XIRP2: variants seen among roughly 807,000 people sequenced by gnomAD.
XIRP2 encodes the protein xin actin-binding repeat-containing protein 2.
A neutral mutation model predicts 277.0 loss-of-function variants in XIRP2; 236 were observed. That is an observed-to-expected ratio of 0.85 (90% CI 0.77 to 0.95). The LOEUF (loss-of-function observed/expected upper bound fraction) is 0.95, where lower values mean the gene tolerates loss of function less well. Ranked by LOEUF, XIRP2 falls within the 40% of genes least tolerant of loss-of-function variation. XIRP2 has a pLI of 0.00. For synonymous variants in XIRP2, 1,490 were observed against 1,416.5 expected (o/e 1.05, Z -1.17); for missense variants, 4,640 against 4,157.5 (o/e 1.12, Z -3.19).
chr2:167,111,154 G>C (rs1275467040), intron 2 of XIRP2, among the ~76,000 whole-genome samples: 3 of 152,044 alleles, frequency 2.0e-5, no homozygotes, highest in Non-Finnish European at 1.5e-5. Context: ...TTCCTATTTG[G>C]ATGCCTTTTA....
chr2:167,075,322 ATT>A lies in XIRP2; in HGVS notation c.409-60586_409-60585del, dbSNP rs769740260. Among the ~76,000 whole-genome samples the A allele has an allele frequency of 1.5e-4, 23 of 152,294 alleles. 1 individual carries two copies. The highest frequency in any genetic ancestry group is 6.8e-3 in the Middle Eastern group (2 of 294). On this transcript the variant is annotated intron_variant, in intron 2 of 10. Transcript: ENST00000409195. ...ATTTAGAAATGTGGCATAAAAGGCT[ATT>A]GCCTATTTAGTAGAACTTTTACCCT... is the stretch of plus-strand genomic sequence containing the variant.
chr2:167,214,080 A>C (rs1694145505), intron 4 of XIRP2, among the ~76,000 whole-genome samples: 1 of 119,314 alleles, frequency 8.4e-6, no homozygotes, highest in African/African-American at 4.0e-5. Flanking sequence ...GAAAGGAAGG[A>C]AGGAAGAAAG....
rs1695773574 is a variant in XIRP2 at position 167,259,289 on chromosome 2, G to A, written c.*1472G>A. 1.9e-6 allele frequency: 3 copies of A among 1,613,144 alleles called. No homozygotes were observed. Among genetic ancestry groups the A allele is most frequent in the Non-Finnish European group, 2.5e-6 (3 of 1,179,574 alleles). On this transcript the variant is annotated 3_prime_UTR_variant, in exon 11 of 11. Coordinates refer to ENST00000409195, the MANE Select transcript of XIRP2 (RefSeq NM_152381.6). Reference sequence around the variant, plus strand: ...TACAGCTAAGCCTTTGTTTCCCAGAGTGGAGGTGCAGTCAGAACAACTCAC... The same window carrying A: ...TACAGCTAAGCCTTTGTTTCCCAGAATGGAGGTGCAGTCAGAACAACTCAC...
At chr2:167,170,659 T>G (rs979010388) in intron 3 of XIRP2, among the ~76,000 whole-genome samples, 3 of 152,090 alleles carry the variant, frequency 2.0e-5, no homozygotes, top group Non-Finnish European at 4.4e-5. Context: ...ACGTTCAATA[T>G]TTCAGTCCTA....
At chr2:166,912,582 T>C (rs994597647) in intron 2 of XIRP2, among the ~76,000 whole-genome samples, 1 of 152,230 alleles carries the variant, frequency 6.6e-6, no homozygotes, top group Non-Finnish European at 1.5e-5. Context: ...AGAAGTTTGA[T>C]CGTCTGAAGC....
chr2:167,192,977 G>A (rs914170796), intron 3 of XIRP2, among the ~76,000 whole-genome samples: 2 of 152,082 alleles, frequency 1.3e-5, no homozygotes, highest in African/African-American at 2.4e-5. Flanking sequence ...TTTTAGGAAT[G>A]GAACTGTACT....
In XIRP2 at chr2:167,079,797, G is replaced by A. The variant is rs75873586; in HGVS notation, c.409-56112G>A. 1.9e-4 allele frequency among the ~76,000 whole-genome samples: 29 copies of A among 151,934 alleles called. No individual in the cohort carries two copies. In the East Asian group the frequency reaches 5.4e-3, roughly 28 times the overall value. ...CTTCTAAAAACCAACTTTTGGTTTT[G>A]TTGATTCTTCATAGGATTTTTGAGT... is the stretch of plus-strand genomic sequence containing the variant. On this transcript the variant is annotated intron_variant, in intron 2 of 10. Transcript: ENST00000409195.
intron 2 of XIRP2, among the ~76,000 whole-genome samples, chr2:166,904,811 T>C (rs1190185065): frequency 1.3e-5 from 2 of 152,112 alleles, no homozygotes; most frequent in Admixed American, 1.3e-4. Flanking sequence ...GGTTTTCACC[T>C]AATGACAGTT....
At position 167,240,646 on chromosome 2, in the gene XIRP2, A is replaced by G. The variant is rs780638537; in HGVS notation, c.970-18A>G. 1.9e-6 allele frequency: 3 copies of G among 1,609,412 alleles called. No homozygotes were observed. The highest frequency in any genetic ancestry group is 2.7e-5 in the African/African-American group (2 of 74,766). On this transcript the variant is annotated intron_variant, in intron 6 of 10. Coordinates refer to ENST00000409195, the MANE Select transcript of XIRP2 (RefSeq NM_152381.6). Reference sequence around the variant, plus strand: ...ACTTCTTAAAAACAATTTATTTTCAAATTCTCTTTAAATACAGGTCTCTCA... The same window carrying G: ...ACTTCTTAAAAACAATTTATTTTCAGATTCTCTTTAAATACAGGTCTCTCA...
At chr2:167,206,380 A>C (rs759443663) in intron 3 of XIRP2, among the ~76,000 whole-genome samples, 115 of 152,230 alleles carry the variant, frequency 7.6e-4, no homozygotes, top group Non-Finnish European at 1.3e-3. Context: ...ATTGCTGCTA[A>C]TATGCTATTG....
At position 166,973,610 on chromosome 2, in the gene XIRP2, T is replaced by C. The variant is rs145714064; in HGVS notation, c.408+69720T>C. The stretch of plus-strand genomic sequence containing the variant: ...TGTACTGCAGGTTCTTACCAAAGTG[T>C]GTTTCAACAACCAGTAATGTCAGCA... On this transcript the variant is annotated intron_variant, in intron 2 of 10. Coordinates refer to ENST00000409195, the MANE Select transcript of XIRP2 (RefSeq NM_152381.6). 5.9e-3 allele frequency among the ~76,000 whole-genome samples: 905 copies of C among 152,302 alleles called. 13 individuals carry two copies. The highest frequency in any genetic ancestry group is 0.02 in the African/African-American group (845 of 41,568).
chr2:167,056,856 G>A lies in XIRP2; in HGVS notation c.409-79053G>A, dbSNP rs576054611. On this transcript the variant is annotated intron_variant, in intron 2 of 10. Coordinates refer to ENST00000409195, the MANE Select transcript of XIRP2 (RefSeq NM_152381.6). Reference sequence around the variant, plus strand: ...CCATATTATATTCTCTTATAAAGCGGGGAGCTTTGGTTATATAATAAGGAA... The same window carrying A: ...CCATATTATATTCTCTTATAAAGCGAGGAGCTTTGGTTATATAATAAGGAA... 2.0e-5 allele frequency among the ~76,000 whole-genome samples: 3 copies of A among 152,080 alleles called. No homozygotes were observed. In the South Asian group the frequency reaches 6.2e-4, roughly 32 times the overall value.
chr2:167,082,096 C>G (rs6750338), intron 2 of XIRP2, among the ~76,000 whole-genome samples: 448 of 142,802 alleles, frequency 3.1e-3, no homozygotes, highest in African/African-American at 0.01. Flanking sequence ...TCCCTCCCCC[C>G]TCCCTCTACC....
In XIRP2 at chr2:167,246,261, T is replaced by G. The variant is rs746045796; in HGVS notation, c.4869T>G (p.Ile1623Met). Residue 1623 changes from isoleucine to methionine, a missense_variant, in exon 9 of 11, where the codon ATT becomes ATG. Coordinates refer to ENST00000409195, the MANE Select transcript of XIRP2 (RefSeq NM_152381.6). ...LSKRDCTERE[I>M]LISEEEKGNV... ...AAAGGGACTGTACTGAAAGAGAGAT[T>G]TTGATTAGTGAAGAAGAGAAGGGAA... The G allele has an allele frequency of 4.3e-6, 7 of 1,613,396 alleles. No individual in the cohort carries two copies. The East Asian group carries it at 1.6e-4, about 36-fold the overall frequency.
rs1371321658 is a variant in XIRP2 at position 166,988,425 on chromosome 2, G to GA, written c.408+84544dup. ...GAATTCTGAATTTGATCCTGGGCCA[G>GA]AAAAAAAAATTAATGGGAAAACTTT... On this transcript the variant is annotated intron_variant, in intron 2 of 10. Coordinates refer to ENST00000409195, the MANE Select transcript of XIRP2 (RefSeq NM_152381.6). Among the ~76,000 whole-genome samples, 8 of 151,578 alleles carry GA rather than the reference G, an allele frequency of 5.3e-5. 1 individual carries two copies. The highest frequency in any genetic ancestry group is 4.2e-4 in the South Asian group (2 of 4,794).
At chr2:167,210,500 A>G (rs1272930193) in intron 3 of XIRP2, among the ~76,000 whole-genome samples, 1 of 152,194 alleles carries the variant, frequency 6.6e-6, no homozygotes, top group Non-Finnish European at 1.5e-5. Context: ...CAATAATTGC[A>G]AGAGTTGGGG....
intron 2 of XIRP2, among the ~76,000 whole-genome samples, chr2:166,914,652 CT>C (rs1485782825): frequency 1.3e-5 from 2 of 151,998 alleles, no homozygotes; most frequent in African/African-American, 4.8e-5. Context: ...TAAACGTGTG[CT>C]GTTTTAAGCC....
In XIRP2 at chr2:167,258,255, T is replaced by C. The variant is rs746682618; in HGVS notation, c.*438T>C. The C allele has an allele frequency of 1.9e-6, 3 of 1,613,286 alleles. No individual in the cohort carries two copies. The highest frequency in any genetic ancestry group is 2.5e-6 in the Non-Finnish European group (3 of 1,179,614). On this transcript the variant is annotated 3_prime_UTR_variant, in exon 11 of 11. Transcript: ENST00000409195. Reference sequence around the variant, plus strand: ...AAGTGGCCACCTGAAATGACAACCCTGCTATCCCCTGAATTTAAAAGTGAA... The same window carrying C: ...AAGTGGCCACCTGAAATGACAACCCCGCTATCCCCTGAATTTAAAAGTGAA...
In XIRP2 at chr2:167,187,355, G is replaced by A. The variant is rs183713836; in HGVS notation, c.563-23380G>A. 6.0e-4 allele frequency: 594 copies of A among 985,334 alleles called. 7 individuals are homozygous for A. In the African/African-American group the frequency reaches 9.4e-3, roughly 16 times the overall value. 61.0% of individuals were successfully genotyped at this position (985,334 alleles called of 1,614,324 possible). On this transcript the variant is annotated intron_variant, in intron 3 of 10. Coordinates refer to ENST00000409195, the MANE Select transcript of XIRP2 (RefSeq NM_152381.6). ...ACGCTCTGCTAAAATAAATTCAGCC[G>A]TCCCATCTACTTGCTTGATAGACCC...
Sources: allele counts gnomAD v4.1 joint callset (sites outside exome capture counted in the v4.1 genomes callset), GRCh38; gene constraint gnomAD v4.1.1; transcripts MANE v1.5; gene names NCBI Gene and HGNC (gene_info 2026-07-23, HGNC 2026-07-21).